The following KIF19 variants were observed in gnomAD, a reference collection of about 807,000 sequenced individuals.
KIF19 encodes the protein kinesin family member 19.
In KIF19, 98 loss-of-function variants were observed where a neutral mutation model predicts 106.6. The ratio of observed to expected loss-of-function variants is 0.92; its 90% CI spans 0.78 to 1.09. KIF19 has a LOEUF of 1.09. Among genes scored for constraint, KIF19 ranks in the 50% least tolerant of loss-of-function variants. KIF19 has a pLI of 0.00. For synonymous variants in KIF19, 516 were observed against 584.2 expected (o/e 0.88, Z 1.68); for missense variants, 1,373 against 1,414.3 (o/e 0.97, Z 0.47).
chr17:74,354,995 G>C, intron 19 of KIF19, 54 bp downstream of exon 19: 1 of 1,561,828 alleles, frequency 6.4e-7, no homozygotes. Flanking sequence ...AGGCAGGGGA[G>C]CAGAGAAGAC....
In KIF19 at chr17:74,350,767, C is replaced by T; in HGVS notation, c.1449C>T (p.Cys483=). Reference sequence around the variant, plus strand: ...GGCGGGAGGAGCAGCGAAAGGAGTGCTACGCTAAGGACGACAGCGAGAAGG... The same window carrying T: ...GGCGGGAGGAGCAGCGAAAGGAGTGTTACGCTAAGGACGACAGCGAGAAGG... ...LKWREEQRKE[C]YAKDDSEKDS... The change falls in exon 12 of 20, where the codon TGC becomes TGT. Residue 483 remains cysteine, a synonymous_variant. Transcript: ENST00000389916. The T allele has an allele frequency of 6.2e-7, 1 of 1,614,014 alleles. No individual in the cohort carries two copies.
chr17:74,348,878 G>C (rs1405126094), intron 9 of KIF19: 1 of 408,046 alleles, frequency 2.5e-6, no homozygotes, highest in African/African-American at 2.1e-5. Flanking sequence ...AGCAGGACAG[G>C]TCTTCAACTG....
Position 74,343,020 on chromosome 17 carries a change from C to G in KIF19, c.320-4C>G. ...CGGTCACCCTCCACCTTGTTCTGCC[C>G]CAGGCTGTGGGAAAACCTACACCAT... On this transcript the variant is annotated splice_polypyrimidine_tract_variant and splice_region_variant and intron_variant, in intron 4 of 19. Transcript: ENST00000389916. 1 of 1,600,724 alleles carries G rather than the reference C, an allele frequency of 6.2e-7. No individual in the cohort carries two copies. Among genetic ancestry groups the G allele is most frequent in the African/African-American group, 1.3e-5 (1 of 74,804 alleles).
intron 2 of KIF19, among the ~76,000 whole-genome samples, chr17:74,339,144 A>G (rs966540493): frequency 1.1e-4 from 16 of 151,810 alleles, no homozygotes; most frequent in African/African-American, 3.6e-4. Flanking sequence ...TCCTGGAATT[A>G]CAGGAACTAC....
intron 17 of KIF19, 28 bp downstream of exon 17, chr17:74,353,609 C>T: frequency 1.9e-6 from 3 of 1,555,436 alleles, no homozygotes; most frequent in South Asian, 2.2e-5. Flanking sequence ...TGCCCGGCCA[C>T]CTCACCTGGC....
intron 9 of KIF19, 39 bp from the exon 10 acceptor site, chr17:74,349,145 G>A (rs748743764): frequency 1.2e-6 from 2 of 1,611,764 alleles, no homozygotes; most frequent in Admixed American, 1.7e-5. Context: ...TGCACCTGGG[G>A]TGACTGCATC....
rs930556843 is a variant in KIF19 at position 74,338,295 on chromosome 17, C to T, written c.121-3581C>T. Among the ~76,000 whole-genome samples the T allele has an allele frequency of 3.3e-5, 5 of 152,346 alleles. No individual in the cohort carries two copies. In the South Asian group the frequency reaches 1.0e-3, roughly 32 times the overall value. On this transcript the variant is annotated intron_variant, in intron 2 of 19. Transcript: ENST00000389916. Reference sequence around the variant, plus strand: ...CGGGGAACTCAGAGCCAGGTTTTACCTTCAGTGGGGTCTGACACCAGAGCA... The same window carrying T: ...CGGGGAACTCAGAGCCAGGTTTTACTTTCAGTGGGGTCTGACACCAGAGCA...
Position 74,353,258 on chromosome 17 carries a change from C to G in KIF19, c.2177C>G (p.Pro726Arg). ...TGGCAGGCAAAAAGCTCCTCTGTGC[C>G]CACCCCACCTCCCATCCAGCTCGGC... is the stretch of plus-strand genomic sequence containing the variant. ...GAWQAKSSSV[P>R]TPPPIQLGSL... The change falls in exon 16 of 20, where the codon CCC (proline) becomes CGC (arginine). Residue 726 changes from proline (P) to arginine (R), a missense_variant. Physicochemically the swap from Pro to Arg is moderately radical, Grantham distance 103. This residue lies in a region of KIF19 where 1,020 missense variants were observed against 1,008.2 expected (regional missense o/e 1.01). Transcript: ENST00000389916. 6.3e-7 allele frequency: 1 copy of G among 1,583,612 alleles called. No homozygotes were observed. Among genetic ancestry groups the G allele is most frequent in the Non-Finnish European group, 8.6e-7 (1 of 1,165,516 alleles).
At chr17:74,327,623 C>T (rs182185941) in intron 1 of KIF19, among the ~76,000 whole-genome samples, 5 of 152,340 alleles carry the variant, frequency 3.3e-5, no homozygotes, top group African/African-American at 1.2e-4. Flanking sequence ...CAGGCATGCA[C>T]CACCACGCCC....
intron 14 of KIF19, 101 bp from the exon 15 acceptor site, chr17:74,352,720 C>T (rs1224028336): frequency 9.9e-5 from 143 of 1,443,762 alleles, no homozygotes; most frequent in Non-Finnish European, 1.4e-4. Flanking sequence ...GCTCCCAGGC[C>T]ATCTTACAGC....
At chr17:74,339,631 A>G (rs972437915) in intron 2 of KIF19, among the ~76,000 whole-genome samples, 19 of 152,204 alleles carry the variant, frequency 1.2e-4, no homozygotes, top group African/African-American at 4.3e-4. Flanking sequence ...GGCTGCCGTC[A>G]TGCACTCCGT....
Position 74,352,018 on chromosome 17 carries a change from A to C in KIF19, c.1739A>C (p.Gln580Pro). Reference protein sequence around the residue: ...HELEVENTEMQSHALLRDGAL... With the variant: ...HELEVENTEMPSHALLRDGAL... ...CTCGAGGTGGAGAACACCGAGATGC[A>C]GTCGCACGCGCTGCTCCGCGACGGT... Residue 580 changes from glutamine to proline, a missense_variant, in exon 13 of 20, where the codon CAG becomes CCG. Gln to Pro is a moderately conservative substitution (Grantham distance 76, BLOSUM62 -1). Around this residue, in one of 3 missense-constraint regions of KIF19, gnomAD observed 1,020 missense variants for 1,008.2 expected, o/e 1.01. Coordinates refer to ENST00000389916, the MANE Select transcript of KIF19 (RefSeq NM_153209.4). 1.3e-6 allele frequency: 2 copies of C among 1,558,766 alleles called. No individual in the cohort carries two copies. Among genetic ancestry groups the C allele is most frequent in the Non-Finnish European group, 1.7e-6 (2 of 1,160,466 alleles).
intron 3 of KIF19, 127 bp from the exon 4 acceptor site, chr17:74,342,503 C>T: frequency 1.4e-6 from 1 of 697,996 alleles, no homozygotes; most frequent in Non-Finnish European, 2.5e-6. Context: ...ACCCCCCACC[C>T]CCACTTATCT....
chr17:74,332,950 G>A (rs987075218), intron 2 of KIF19, among the ~76,000 whole-genome samples: 1 of 152,194 alleles, frequency 6.6e-6, no homozygotes, highest in African/African-American at 2.4e-5. Flanking sequence ...CACCCACCCC[G>A]AGAGCTGTCG....
At chr17:74,353,404 C>G (rs537291231) in intron 16 of KIF19, 90 bp from the exon 17 acceptor site, 2 of 1,454,008 alleles carry the variant, frequency 1.4e-6, no homozygotes, top group East Asian at 4.8e-5. Flanking sequence ...CAAACGGCAC[C>G]AGCTTGAGGC....
chr17:74,355,147 C>T (rs373561807), intron 19 of KIF19, 35 bp from the exon 20 acceptor site: 29 of 1,560,930 alleles, frequency 1.9e-5, no homozygotes, highest in East Asian at 9.0e-5. Flanking sequence ...GGAGGCATTC[C>T]GAAACCACTG....
At chr17:74,328,113 G>C (rs970187512) in intron 1 of KIF19, among the ~76,000 whole-genome samples, 10 of 152,174 alleles carry the variant, frequency 6.6e-5, no homozygotes, top group Admixed American at 6.5e-4. Flanking sequence ...TCCAGTGCCA[G>C]GGCCCCAAGT....
At chr17:74,348,857 G>A in intron 9 of KIF19, 1 of 323,598 alleles carries the variant, frequency 3.1e-6, no homozygotes, top group South Asian at 3.6e-5. Context: ...GTCTGTGGTG[G>A]GTATGGGGAG....
At chr17:74,338,650 G>T (rs2054280160) in intron 2 of KIF19, among the ~76,000 whole-genome samples, 3 of 151,928 alleles carry the variant, frequency 2.0e-5, no homozygotes, top group Admixed American at 1.3e-4. Context: ...GCACAGGTAT[G>T]AACCTATCCC....
Sources: allele counts gnomAD v4.1 joint callset (sites outside exome capture counted in the v4.1 genomes callset), GRCh38; gene constraint gnomAD v4.1.1; regional missense constraint gnomAD v4.1.1; transcripts MANE v1.5; gene names NCBI Gene and HGNC (gene_info 2026-07-23, HGNC 2026-07-21).